Variants in PDE4D observed in about 807,000 individuals in gnomAD.
PDE4D encodes 3',5'-cyclic-AMP phosphodiesterase 4D.
PDE4D carries 24 observed loss-of-function variants against 87.4 expected under a neutral mutation model. That is an observed-to-expected ratio of 0.27 (90% CI 0.20 to 0.39). PDE4D has a LOEUF of 0.39. Among genes scored for constraint, PDE4D ranks in the 10% least tolerant of loss-of-function variants. PDE4D has a pLI of 1.00. For synonymous variants in PDE4D, 384 were observed against 383.2 expected, an observed-to-expected ratio of 1.00 and a Z score of -0.02; for missense variants, 714 against 1,041.0, an observed-to-expected ratio of 0.69 and a Z score of 4.32.
At chr5:60,427,314 G>A (rs996684100) in intron 1 of PDE4D, among the ~76,000 whole-genome samples, 18 of 152,210 alleles carry the variant, frequency 1.2e-4, no homozygotes, top group Admixed American at 7.2e-4. Flanking sequence ...CCAGAGGAAA[G>A]ACACACATTA....
At chr5:59,850,159 T>C (rs1454547546) in intron 1 of PDE4D, among the ~76,000 whole-genome samples, 5 of 151,962 alleles carry the variant, frequency 3.3e-5, no homozygotes, top group Non-Finnish European at 7.4e-5. Flanking sequence ...CTTTAACACG[T>C]ACATACTGAC....
chr5:60,396,142 A>G (rs1762869130), intron 1 of PDE4D, among the ~76,000 whole-genome samples: 1 of 152,216 alleles, frequency 6.6e-6, no homozygotes, highest in African/African-American at 2.4e-5. Flanking sequence ...TTTGCATAAA[A>G]TAACAGCTTT....
chr5:59,176,337 G>C (rs1178355680), intron 5 of PDE4D, among the ~76,000 whole-genome samples: 1 of 152,094 alleles, frequency 6.6e-6, no homozygotes, highest in African/African-American at 2.4e-5. Flanking sequence ...TGGATCACCT[G>C]AGGTCAGGAG....
intron 5 of PDE4D, among the ~76,000 whole-genome samples, chr5:59,070,774 A>G (rs1284462734): frequency 6.6e-6 from 1 of 152,102 alleles, no homozygotes; most frequent in Non-Finnish European, 1.5e-5. Context: ...AACTTTTCCC[A>G]TATTACAAAA....
intron 5 of PDE4D, among the ~76,000 whole-genome samples, chr5:59,059,111 G>A (rs1762765978): frequency 1.3e-5 from 2 of 152,038 alleles, no homozygotes; most frequent in Non-Finnish European, 2.9e-5. Flanking sequence ...TTTACTACTG[G>A]GATGTAATTG....
chr5:60,471,998 C>T (rs146089963), intron 1 of PDE4D, among the ~76,000 whole-genome samples: 12 of 152,114 alleles, frequency 7.9e-5, no homozygotes, highest in African/African-American at 2.4e-4. Flanking sequence ...GCATTTTTAC[C>T]GATAGTTATA....
chr5:60,378,517 G>A (rs75251172), intron 1 of PDE4D, among the ~76,000 whole-genome samples: 2,374 of 152,038 alleles, frequency 0.016, 62 homozygotes, highest in African/African-American at 0.054. Context: ...CTAGGAACCA[G>A]CCCCCTTGAC....
At chr5:60,471,630 A>G (rs1007552531) in intron 1 of PDE4D, among the ~76,000 whole-genome samples, 2 of 152,200 alleles carry the variant, frequency 1.3e-5, no homozygotes, top group Non-Finnish European at 2.9e-5. Context: ...GCAGCCATCA[A>G]TGTCAAGGCA....
chr5:59,691,529 T>C lies in PDE4D; in HGVS notation c.455+201639A>G, dbSNP rs1417021743. 5.3e-5 allele frequency among the ~76,000 whole-genome samples: 7 copies of C among 133,160 alleles called. No homozygotes were observed. In the South Asian group the frequency reaches 7.1e-4, roughly 14 times the overall value. 87.4% of individuals were successfully genotyped at this position (133,160 alleles called of 152,430 possible). ...GGTGGGAATTGAACAATGAGAACAC[T>C]TGGACACAGGGTGGGGAACACCACA... On this transcript the variant is annotated intron_variant, in intron 1 of 14. Coordinates refer to ENST00000340635, the MANE Select transcript of PDE4D (RefSeq NM_001104631.2).
intron 1 of PDE4D, among the ~76,000 whole-genome samples, chr5:59,638,695 T>C (rs953498991): frequency 5.3e-5 from 8 of 152,088 alleles, no homozygotes; most frequent in African/African-American, 1.9e-4. Context: ...TGTTGTTTTT[T>C]TTTTAAAGAA....
intron 5 of PDE4D, among the ~76,000 whole-genome samples, chr5:59,059,163 T>C (rs143525122): frequency 3.9e-5 from 6 of 152,202 alleles, no homozygotes; most frequent in African/African-American, 1.4e-4. Context: ...CAAATTAAAT[T>C]ACTTCATACT....
chr5:59,928,122 C>T (rs1755484968), intron 3 of PDE4D, among the ~76,000 whole-genome samples: 2 of 152,124 alleles, frequency 1.3e-5, no homozygotes, highest in South Asian at 4.1e-4. Context: ...GGGCTCAGTG[C>T]CAGATTTCCT....
intron 2 of PDE4D, among the ~76,000 whole-genome samples, chr5:59,214,103 T>C (rs1030104534): frequency 6.6e-6 from 1 of 150,414 alleles, no homozygotes; most frequent in Admixed American, 6.6e-5. Flanking sequence ...CTCTTGCATC[T>C]AAACCAGCTC....
intron 5 of PDE4D, among the ~76,000 whole-genome samples, chr5:59,042,557 T>C (rs1315339126): frequency 6.6e-6 from 1 of 152,122 alleles, no homozygotes; most frequent in Non-Finnish European, 1.5e-5. Context: ...TGAAAACTCT[T>C]TAACTGCACC....
At chr5:60,400,998 A>G (rs1001951618) in intron 1 of PDE4D, among the ~76,000 whole-genome samples, 2 of 152,208 alleles carry the variant, frequency 1.3e-5, no homozygotes, top group African/African-American at 4.8e-5. Context: ...AGGCCATCTA[A>G]GCTATTTTAA....
chr5:59,884,685 C>T (rs182689924), intron 1 of PDE4D, among the ~76,000 whole-genome samples: 23 of 152,080 alleles, frequency 1.5e-4, no homozygotes, highest in African/African-American at 5.3e-4. Flanking sequence ...AAAGTATGCA[C>T]ATTAAAATAT....
At chr5:59,783,594 A>G (rs915147478) in intron 1 of PDE4D, among the ~76,000 whole-genome samples, 1 of 152,172 alleles carries the variant, frequency 6.6e-6, no homozygotes, top group African/African-American at 2.4e-5. Flanking sequence ...CCAATCTTCA[A>G]TTCACTTGGG....
At chr5:59,238,521 C>T (rs1419311489) in intron 1 of PDE4D, among the ~76,000 whole-genome samples, 1 of 152,230 alleles carries the variant, frequency 6.6e-6, no homozygotes, top group Admixed American at 6.5e-5. Context: ...AAAGGTCATT[C>T]GACTTTTGTT....
chr5:59,732,393 TTC>T (rs1491318696), intron 1 of PDE4D, among the ~76,000 whole-genome samples: 3 of 80,970 alleles, frequency 3.7e-5, no homozygotes, highest in African/African-American at 1.3e-4. Context: ...TCAGGAGACA[TTC>T]ACACACACAC....
Sources: allele counts gnomAD v4.1 joint callset (sites outside exome capture counted in the v4.1 genomes callset), GRCh38; gene constraint gnomAD v4.1.1; transcripts MANE v1.5; gene names NCBI Gene and HGNC (gene_info 2026-07-23, HGNC 2026-07-21).